FOXRED2: variants seen among roughly 807,000 people sequenced by gnomAD.
FOXRED2 encodes the protein FAD dependent oxidoreductase domain containing 2, also known as FAD-dependent oxidoreductase domain-containing protein 2.
FOXRED2 carries 32 observed loss-of-function variants against 52.5 expected under a neutral mutation model. The ratio of observed to expected loss-of-function variants is 0.61; its 90% CI spans 0.46 to 0.82. The LOEUF (loss-of-function observed/expected upper bound fraction) is 0.82, where lower values mean the gene tolerates loss of function less well. FOXRED2 is among the 40% of genes least tolerant of loss of function. The pLI is 0.00. For missense variants in FOXRED2, 848 were observed against 937.5 expected (o/e 0.90, Z 1.25); for synonymous variants, 405 against 398.1 (o/e 1.02, Z -0.21).
chr22:36,504,742 T>A lies in FOXRED2; in HGVS notation c.552A>T (p.Leu184Phe). Residue 184 changes from leucine (L) to phenylalanine (F), a missense_variant, in exon 3 of 9, where the codon TTA (leucine) becomes TTT (phenylalanine). Physicochemically the swap from Leu to Phe is conservative, Grantham distance 22. Transcript: ENST00000397224. ...GGAAGTCAACCTGGTTGGGGACTGA[T>A]AAACCAGTGGCTACAAAGAGGACGC... ...QCSVLFVATG[L>F]SVPNQVDFPG... The A allele has an allele frequency of 6.2e-7, 1 of 1,614,104 alleles. No homozygotes were observed. Among genetic ancestry groups the A allele is most frequent in the Non-Finnish European group, 8.5e-7 (1 of 1,180,014 alleles).
At chr22:36,491,560 G>A (rs1364124623) in intron 8 of FOXRED2, among the ~76,000 whole-genome samples, 1 of 152,012 alleles carries the variant, frequency 6.6e-6, no homozygotes, top group Non-Finnish European at 1.5e-5. Context: ...CCGCCACCAC[G>A]CTCAGCTAAT....
chr22:36,493,993 G>A lies in FOXRED2; in HGVS notation c.1625-190C>T, dbSNP rs568930677. 4.3e-4 allele frequency among the ~76,000 whole-genome samples: 66 copies of A among 152,356 alleles called. 1 individual carries two copies. The highest frequency in any genetic ancestry group is 1.6e-3 in the African/African-American group (66 of 41,584). On this transcript the variant is annotated intron_variant, in intron 7 of 8. Coordinates refer to ENST00000397224, the MANE Select transcript of FOXRED2 (RefSeq NM_001102371.2). ...GCCACCTGCAGATATTTGAAAGGCTGCCATGAGGAAGAGGAACTAGGCTTT... is the reference window on the plus strand; with the variant it reads ...GCCACCTGCAGATATTTGAAAGGCTACCATGAGGAAGAGGAACTAGGCTTT...
intron 5 of FOXRED2, among the ~76,000 whole-genome samples, chr22:36,500,774 G>A (rs1039405744): frequency 6.6e-6 from 1 of 151,952 alleles, no homozygotes; most frequent in Non-Finnish European, 1.5e-5. Context: ...AGTAGAGACA[G>A]GGTTTCGCCG....
At chr22:36,498,635 G>A (rs990113663) in intron 5 of FOXRED2, among the ~76,000 whole-genome samples, 2 of 152,130 alleles carry the variant, frequency 1.3e-5, no homozygotes, top group East Asian at 1.9e-4. Context: ...TCAGAGACGC[G>A]CCTACAGAAA....
intron 8 of FOXRED2, 105 bp downstream of exon 8, chr22:36,493,528 T>C: frequency 2.1e-6 from 2 of 930,778 alleles, no homozygotes; most frequent in Non-Finnish European, 3.3e-6. Flanking sequence ...AGTCTGGGGT[T>C]TGGATTTCCA....
At chr22:36,503,949 TG>T in intron 4 of FOXRED2, 148 bp downstream of exon 4, 1 of 917,036 alleles carries the variant, frequency 1.1e-6, no homozygotes, top group Non-Finnish European at 1.7e-6. Context: ...GCTCATGTCC[TG>T]GAGGGAAATC....
chr22:36,496,666 GA>G (rs1933907958), intron 6 of FOXRED2, among the ~76,000 whole-genome samples: 1 of 152,234 alleles, frequency 6.6e-6, no homozygotes, highest in African/African-American at 2.4e-5. Context: ...GGACTGAGCA[GA>G]GCTGGGATCA....
chr22:36,506,737 A>G, intron 1 of FOXRED2: 1 of 313,366 alleles, frequency 3.2e-6, no homozygotes, highest in South Asian at 1.1e-4. Context: ...CCCTAATTTG[A>G]GGGTGCCCAA....
intron 5 of FOXRED2, among the ~76,000 whole-genome samples, chr22:36,500,996 C>G (rs1227081948): frequency 6.6e-6 from 1 of 150,398 alleles, no homozygotes; most frequent in Non-Finnish European, 1.5e-5. Context: ...CTCAAGGGAT[C>G]CTCCTGCCTC....
At chr22:36,502,305 C>T (rs1004611611) in intron 4 of FOXRED2, among the ~76,000 whole-genome samples, 1 of 152,162 alleles carries the variant, frequency 6.6e-6, no homozygotes, top group Non-Finnish European at 1.5e-5. Context: ...CTTTCTGCAC[C>T]CTGGTCAGAA....
At position 36,501,380 on chromosome 22, in the gene FOXRED2, T is replaced by A. The variant is rs5756223; in HGVS notation, c.1077A>T (p.Ala359=). Reference sequence around the variant, plus strand: ...GAATCAGCGGGTACTTCTTGCCGAATGCATTTCCCGAGTTAAGTCTGAGGG... The same window carrying A: ...GAATCAGCGGGTACTTCTTGCCGAAAGCATTTCCCGAGTTAAGTCTGAGGG... ...NKSLRLNSGN[A]FGKKYPLIRA... is the part of the protein sequence containing the mutation. The change falls in exon 5 of 9, where the codon GCA becomes GCT. Residue 359 remains alanine (A), a synonymous_variant. Coordinates refer to ENST00000397224, the MANE Select transcript of FOXRED2 (RefSeq NM_001102371.2). 1 of 1,613,930 alleles carries A rather than the reference T, an allele frequency of 6.2e-7. No individual in the cohort carries two copies. Among genetic ancestry groups the A allele is most frequent in the African/African-American group, 1.3e-5 (1 of 74,914 alleles).
At chr22:36,497,930 C>T (rs1049675203) in intron 6 of FOXRED2, 61 bp downstream of exon 6, 165 of 1,545,156 alleles carry the variant, frequency 1.1e-4, no homozygotes, top group Non-Finnish European at 1.2e-4. Context: ...GGAAGAGAAG[C>T]GCTATGCAGC....
intron 4 of FOXRED2, among the ~76,000 whole-genome samples, chr22:36,503,660 ACTTTGAAT>A (rs1238246668): frequency 6.6e-6 from 1 of 152,150 alleles, no homozygotes; most frequent in African/African-American, 2.4e-5. Flanking sequence ...TGAGAAACAA[ACTTTGAAT>A]CCCATTTTAG....
In FOXRED2 at chr22:36,506,124, T is replaced by G; in HGVS notation, c.299A>C (p.Asn100Thr). 1 of 1,614,058 alleles carries G rather than the reference T, an allele frequency of 6.2e-7. No homozygotes were observed. The highest frequency in any genetic ancestry group is 8.5e-7 in the Non-Finnish European group (1 of 1,179,982). The change falls in exon 2 of 9, where the codon AAC becomes ACC. Residue 100 changes from asparagine to threonine, a missense_variant. Asn to Thr is a moderately conservative substitution (Grantham distance 65). Transcript: ENST00000397224. ...CCGGGGGTCGTGGCTGAGCAGAGAG[T>G]TCCAGTCGTGGCGGAGGTTGAACTC... Reference protein sequence around the residue: ...NAEFNLRHDWNSLLSHDPRLL... With the variant: ...NAEFNLRHDWTSLLSHDPRLL...
intron 4 of FOXRED2, among the ~76,000 whole-genome samples, chr22:36,503,420 C>A (rs1934106432): frequency 6.6e-6 from 1 of 151,668 alleles, no homozygotes; most frequent in Non-Finnish European, 1.5e-5. Context: ...AGCAATTCTC[C>A]CACCTCAGCC....
At chr22:36,496,552 G>A (rs964709436) in intron 6 of FOXRED2, among the ~76,000 whole-genome samples, 3 of 152,236 alleles carry the variant, frequency 2.0e-5, no homozygotes, top group Non-Finnish European at 4.4e-5. Context: ...CAGAGGGCAG[G>A]AGAGGGGGCC....
chr22:36,495,199 T>G lies in FOXRED2; in HGVS notation c.1624+768A>C, dbSNP rs576258855. On this transcript the variant is annotated intron_variant, in intron 7 of 8. Coordinates refer to ENST00000397224, the MANE Select transcript of FOXRED2 (RefSeq NM_001102371.2). Reference sequence around the variant, plus strand: ...TGGTCTTGAACTCCTGACCTTATAATCCGCTTGCCTTGGTCTCTCAAAGTG... The same window carrying G: ...TGGTCTTGAACTCCTGACCTTATAAGCCGCTTGCCTTGGTCTCTCAAAGTG... 5.3e-5 allele frequency among the ~76,000 whole-genome samples: 8 copies of G among 152,224 alleles called. No homozygotes were observed. In the East Asian group the frequency reaches 1.4e-3, roughly 26 times the overall value.
intron 5 of FOXRED2, 141 bp downstream of exon 5, chr22:36,501,091 CCTGTTGTCA>C: frequency 1.2e-6 from 1 of 823,406 alleles, no homozygotes. Context: ...ACCACAAAAA[CCTGTTGTCA>C]CTTCCCCAAG....
chr22:36,501,884 G>A (rs780682029), intron 4 of FOXRED2, among the ~76,000 whole-genome samples: 5 of 152,074 alleles, frequency 3.3e-5, no homozygotes, highest in East Asian at 1.9e-4. Context: ...AGATGAAGTC[G>A]GCCAGGCGAG....
Sources: gnomAD v4.1 joint callset for allele counts (sites outside exome capture counted in the v4.1 genomes callset) on GRCh38, gnomAD v4.1.1 for gene constraint, MANE v1.5 for transcripts, NCBI Gene and HGNC (gene_info 2026-07-23, HGNC 2026-07-21) for gene names.